MARK1: variants seen among roughly 807,000 people sequenced by gnomAD.
MARK1 encodes microtubule affinity regulating kinase 1.
A neutral mutation model predicts 96.3 loss-of-function variants in MARK1; 40 were observed. The observed-to-expected ratio is 0.42, with a 90% CI of 0.32 to 0.54. MARK1 has a LOEUF of 0.54. Ranked by LOEUF, MARK1 falls within the 20% of genes least tolerant of loss-of-function variation. The pLI is 0.16. For synonymous variants in MARK1, 317 were observed against 341.2 expected (o/e 0.93, Z 0.78); for missense variants, 719 against 984.6 (o/e 0.73, Z 3.61).
chr1:220,621,624 G>A (rs747078503), intron 9 of MARK1, among the ~76,000 whole-genome samples: 7 of 151,930 alleles, frequency 4.6e-5, no homozygotes, highest in Non-Finnish European at 1.0e-4. Context: ...AAGCCTCGTA[G>A]ATTTGTACCA....
Position 220,653,372 on chromosome 1 carries a change from C to A in MARK1, c.1988+20C>A. 6.2e-7 allele frequency: 1 copy of A among 1,607,594 alleles called. No homozygotes were observed. Among genetic ancestry groups the A allele is most frequent in the South Asian group, 1.1e-5 (1 of 90,586 alleles). On this transcript the variant is annotated intron_variant, in intron 16 of 17. Transcript: ENST00000366917. ...TCGCAGGTCAGTACCAATGTACTGT[C>A]GTGTTTTGATTCCTCTAGAAATTAT...
intron 1 of MARK1, among the ~76,000 whole-genome samples, chr1:220,548,615 T>C (rs1661657563): frequency 6.6e-6 from 1 of 152,066 alleles, no homozygotes. Context: ...GGTGGGCACC[T>C]GTAGTCCCAG....
At chr1:220,551,154 A>G (rs1157545897) in intron 1 of MARK1, among the ~76,000 whole-genome samples, 1 of 152,262 alleles carries the variant, frequency 6.6e-6, no homozygotes, top group Admixed American at 6.5e-5. Context: ...AGAGTTGCCC[A>G]GGCATCTGGA....
intron 1 of MARK1, among the ~76,000 whole-genome samples, chr1:220,534,172 A>G (rs987553213): frequency 6.6e-5 from 10 of 151,734 alleles, no homozygotes; most frequent in Non-Finnish European, 1.2e-4. Flanking sequence ...ATTTAATTTT[A>G]TGATATGTAT....
chr1:220,583,463 C>G (rs1334968801), intron 3 of MARK1, among the ~76,000 whole-genome samples: 1 of 152,118 alleles, frequency 6.6e-6, no homozygotes, highest in Non-Finnish European at 1.5e-5. Flanking sequence ...ATATTGTTCC[C>G]ATAATATGCT....
At chr1:220,565,900 A>G (rs931612740) in intron 1 of MARK1, among the ~76,000 whole-genome samples, 4 of 152,180 alleles carry the variant, frequency 2.6e-5, no homozygotes, top group Non-Finnish European at 4.4e-5. Flanking sequence ...CCCAAGAGGA[A>G]TCCTTTGGTA....
intron 6 of MARK1, among the ~76,000 whole-genome samples, chr1:220,606,098 C>T (rs1256198438): frequency 6.6e-6 from 1 of 152,164 alleles, no homozygotes; most frequent in Non-Finnish European, 1.5e-5. Flanking sequence ...ACACTGTTTT[C>T]CACAATGATT....
Position 220,663,889 on chromosome 1 carries a change from C to T in MARK1, c.*1723C>T, listed in dbSNP as rs1669610079. ...TTCACTGGTGCACACTGAAATTTTACTTGAACAGTTCTCATAATAAAGCAC... is the reference window on the plus strand; with the variant it reads ...TTCACTGGTGCACACTGAAATTTTATTTGAACAGTTCTCATAATAAAGCAC... On this transcript the variant is annotated 3_prime_UTR_variant, in exon 18 of 18. Coordinates refer to ENST00000366917, the MANE Select transcript of MARK1 (RefSeq NM_018650.5). 6.6e-6 allele frequency: 1 copy of T among 152,440 alleles called. No homozygotes were observed. The highest frequency in any genetic ancestry group is 1.5e-5 in the Non-Finnish European group (1 of 67,982). The allele number at this position is 152,440 out of a possible 1,614,324, so 9.4% of individuals were successfully genotyped here.
Position 220,574,664 on chromosome 1 carries a change from T to C in MARK1, c.52-4690T>C, listed in dbSNP as rs11118574. Among the ~76,000 whole-genome samples the C allele has an allele frequency of 4.7e-3, 718 of 152,340 alleles. 3 individuals are homozygous for C. The highest frequency in any genetic ancestry group is 0.017 in the African/African-American group (687 of 41,588). ...GCTTTTTTATGGCTCTTCAGAGCCTTCAAACAGTTGTTTTTAATATTTTGT... is the reference window on the plus strand; with the variant it reads ...GCTTTTTTATGGCTCTTCAGAGCCTCCAAACAGTTGTTTTTAATATTTTGT... On this transcript the variant is annotated intron_variant, in intron 1 of 17. Coordinates refer to ENST00000366917, the MANE Select transcript of MARK1 (RefSeq NM_018650.5).
intron 13 of MARK1, among the ~76,000 whole-genome samples, chr1:220,643,640 A>C (rs1668408527): frequency 6.6e-6 from 1 of 152,192 alleles, no homozygotes; most frequent in African/African-American, 2.4e-5. Flanking sequence ...TCCAAGGTCA[A>C]AACGAAGGAA....
Position 220,618,332 on chromosome 1 carries a change from G to C in MARK1, c.575G>C (p.Gly192Ala), listed in dbSNP as rs758670540. Residue 192 changes from glycine (G) to alanine (A), a missense_variant, in exon 8 of 18, where the codon GGT (glycine) becomes GCT (alanine). Physicochemically the swap from Gly to Ala is moderately conservative, Grantham distance 60. This residue lies in a region of MARK1 where 96 missense variants were observed against 213.1 expected (regional missense o/e 0.45). Coordinates refer to ENST00000366917, the MANE Select transcript of MARK1 (RefSeq NM_018650.5). This position sits in a 1 kb window ranked among gnomAD's most constrained non-coding sequence, Gnocchi z 4.6. The part of the protein sequence containing the change: ...DLKAENLLLD[G>A]DMNIKIADFG... ...TAGGCTGAAAACCTTCTCCTTGATGGTGATATGAATATTAAAATTGCTGAC... is the reference window on the plus strand; with the variant it reads ...TAGGCTGAAAACCTTCTCCTTGATGCTGATATGAATATTAAAATTGCTGAC... 1.2e-6 allele frequency: 2 copies of C among 1,609,982 alleles called. No individual in the cohort carries two copies. Among genetic ancestry groups the C allele is most frequent in the Non-Finnish European group, 1.7e-6 (2 of 1,176,410 alleles).
At chr1:220,604,945 T>C (rs1665980629) in intron 6 of MARK1, among the ~76,000 whole-genome samples, 1 of 152,134 alleles carries the variant, frequency 6.6e-6, no homozygotes, top group Admixed American at 6.6e-5. Flanking sequence ...TTATTAAATT[T>C]AGAATTTTAA....
rs554199937 is a variant in MARK1, at chr1:220,571,023, C to G, written c.52-8331C>G. ...GTAAATAGGTATGTGACTGTCTTATCAAATTTATTGACATCTCATTGAAAT... is the reference window on the plus strand; with the variant it reads ...GTAAATAGGTATGTGACTGTCTTATGAAATTTATTGACATCTCATTGAAAT... On this transcript the variant is annotated intron_variant, in intron 1 of 17. Coordinates refer to ENST00000366917, the MANE Select transcript of MARK1 (RefSeq NM_018650.5). Among the ~76,000 whole-genome samples, 6 of 152,194 alleles carry G rather than the reference C, an allele frequency of 3.9e-5. No individual in the cohort carries two copies. In the South Asian group the frequency reaches 1.2e-3, roughly 32 times the overall value.
chr1:220,631,190 T>G (rs1209254463), intron 10 of MARK1, 56 bp downstream of exon 10: 3 of 1,156,542 alleles, frequency 2.6e-6, no homozygotes, highest in African/African-American at 1.5e-5. Context: ...TAAGAGTCCT[T>G]TAGTGTGCCA....
At chr1:220,648,234 T>G (rs962212182) in intron 13 of MARK1, among the ~76,000 whole-genome samples, 4 of 152,140 alleles carry the variant, frequency 2.6e-5, no homozygotes, top group African/African-American at 9.7e-5. Context: ...AAAAAGTTGT[T>G]TACATGGTTG....
intron 13 of MARK1, among the ~76,000 whole-genome samples, chr1:220,641,434 T>C (rs893202130): frequency 1.1e-4 from 17 of 152,076 alleles, no homozygotes; most frequent in African/African-American, 3.9e-4. Flanking sequence ...AAGCGGGCCT[T>C]CACATGCTGA....
chr1:220,639,497 A>G (rs1668153694), intron 13 of MARK1, among the ~76,000 whole-genome samples: 1 of 152,122 alleles, frequency 6.6e-6, no homozygotes, highest in Non-Finnish European at 1.5e-5. Flanking sequence ...CTTTTGGTGA[A>G]GTGTTCAGAG....
intron 1 of MARK1, among the ~76,000 whole-genome samples, chr1:220,568,133 G>C (rs959959848): frequency 6.6e-6 from 1 of 152,038 alleles, no homozygotes; most frequent in Non-Finnish European, 1.5e-5. Context: ...GGTACTTCTT[G>C]ATATTTGTAC....
chr1:220,657,971 G>T, intron 17 of MARK1, 137 bp downstream of exon 17: 2 of 585,480 alleles, frequency 3.4e-6, no homozygotes, highest in Non-Finnish European at 5.3e-6. Context: ...TTATATTGGG[G>T]TGGGTTTTCA....
Sources: allele counts gnomAD v4.1 joint callset (sites outside exome capture counted in the v4.1 genomes callset), GRCh38; gene constraint gnomAD v4.1.1; regional missense constraint gnomAD v4.1.1; non-coding constraint Gnocchi (gnomAD v3.1); transcripts MANE v1.5; gene names NCBI Gene and HGNC (gene_info 2026-07-23, HGNC 2026-07-21).